Variants in LRPPRC observed in about 807,000 individuals in gnomAD.
LRPPRC encodes leucine rich pentatricopeptide repeat containing, also known as leucine-rich PPR motif-containing protein, mitochondrial.
In LRPPRC, 120 loss-of-function variants were observed where a neutral mutation model predicts 180.3. The ratio of observed to expected loss-of-function variants is 0.67; its 90% CI spans 0.57 to 0.77. LRPPRC has a LOEUF of 0.77. Ranked by LOEUF, LRPPRC falls within the 30% of genes least tolerant of loss-of-function variation. The pLI, the probability that LRPPRC is intolerant of heterozygous loss-of-function variation, is 0.00. For missense variants in LRPPRC, 2,012 were observed against 1,657.2 expected (o/e 1.21, Z -3.72); for synonymous variants, 723 against 600.0 (o/e 1.21, Z -3.00).
intron 27 of LRPPRC, among the ~76,000 whole-genome samples, chr2:43,920,079 T>TAAAA: frequency 1.3e-5 from 1 of 79,478 alleles, no homozygotes. Flanking sequence ...ATCAGCAATT[T>TAAAA]AAAAAAAAAA....
intron 34 of LRPPRC, among the ~76,000 whole-genome samples, chr2:43,897,111 T>A (rs1670714865): frequency 6.6e-6 from 1 of 152,226 alleles, no homozygotes; most frequent in African/African-American, 2.4e-5. Context: ...GTCAGGGAGA[T>A]AACTGCTCAT....
chr2:43,969,047 AG>A (rs1673682762), intron 11 of LRPPRC, among the ~76,000 whole-genome samples: 1 of 152,212 alleles, frequency 6.6e-6, no homozygotes, highest in Admixed American at 6.5e-5. Context: ...AGTGGGGTAA[AG>A]AAAGTCAATG....
At chr2:43,990,277 C>A (rs1337450522) in intron 1 of LRPPRC, among the ~76,000 whole-genome samples, 2 of 152,082 alleles carry the variant, frequency 1.3e-5, no homozygotes, top group Non-Finnish European at 2.9e-5. Flanking sequence ...ACCCTAATCC[C>A]CAAATCTACT....
Position 43,925,077 on chromosome 2 carries a change from T to C in LRPPRC, c.2886A>G (p.Leu962=). ...CDRDQMYYNL[L]KLYKINGDWQ... Reference sequence around the variant, plus strand: ...AGTTAAATCACTTACTATACAGTTTTAGCAGATTGTAGTACATCTGGTCTC... The same window carrying C: ...AGTTAAATCACTTACTATACAGTTTCAGCAGATTGTAGTACATCTGGTCTC... The change falls in exon 27 of 38, where the codon CTA becomes CTG. Residue 962 remains leucine (L), a synonymous_variant. Transcript: ENST00000260665. The C allele has an allele frequency of 6.5e-7, 1 of 1,535,100 alleles. No homozygotes were observed. The highest frequency in any genetic ancestry group is 9.0e-7 in the Non-Finnish European group (1 of 1,108,034).
At chr2:43,949,928 A>T (rs1181627917) in intron 15 of LRPPRC, among the ~76,000 whole-genome samples, 1 of 152,224 alleles carries the variant, frequency 6.6e-6, no homozygotes, top group East Asian at 1.9e-4. Context: ...CTGATTTATA[A>T]ATTGATATAT....
At chr2:43,987,610 T>C (rs1674586989) in intron 1 of LRPPRC, among the ~76,000 whole-genome samples, 1 of 152,126 alleles carries the variant, frequency 6.6e-6, no homozygotes, top group Non-Finnish European at 1.5e-5. Context: ...AATTATTTTA[T>C]TGGGCAAAGT....
chr2:43,959,118 G>T, intron 13 of LRPPRC: 1 of 684,356 alleles, frequency 1.5e-6, no homozygotes, highest in South Asian at 1.6e-5. Context: ...GAAGTGGAAT[G>T]GATGATATGA....
Position 43,963,653 on chromosome 2 carries a change from C to T in LRPPRC, c.1423G>A (p.Glu475Lys). The T allele has an allele frequency of 1.2e-6, 2 of 1,612,568 alleles. No individual in the cohort carries two copies. Among genetic ancestry groups the T allele is most frequent in the Non-Finnish European group, 1.7e-6 (2 of 1,178,760 alleles). Reference protein sequence around the residue: ...MQELGVHPDQETYTDYVIPCF... With the variant: ...MQELGVHPDQKTYTDYVIPCF... ...GGAATCACATAATCTGTATATGTTT[C>T]CTGATCAGGATGTACTCCCAATTCT... is the stretch of plus-strand genomic sequence containing the variant. The change falls in exon 12 of 38, where the codon GAA (glutamate) becomes AAA (lysine). Residue 475 changes from glutamate (E) to lysine (K), a missense_variant. Transcript: ENST00000260665.
chr2:43,933,009 G>A (rs1672145850), intron 25 of LRPPRC, among the ~76,000 whole-genome samples: 1 of 152,186 alleles, frequency 6.6e-6, no homozygotes, highest in African/African-American at 2.4e-5. Flanking sequence ...TAGCCAGACA[G>A]CTCTTCTCAC....
chr2:43,906,668 G>T (rs1049816475), intron 30 of LRPPRC, among the ~76,000 whole-genome samples: 1 of 152,150 alleles, frequency 6.6e-6, no homozygotes, highest in African/African-American at 2.4e-5. Context: ...TGATGACCCT[G>T]TTGCCAACAA....
chr2:43,889,895 T>C lies in LRPPRC; in HGVS notation c.3986-19A>G, dbSNP rs749977911. 3.2e-6 allele frequency: 5 copies of C among 1,578,032 alleles called. No individual in the cohort carries two copies. The African/African-American group carries it at 5.4e-5, about 17-fold the overall frequency. On this transcript the variant is annotated intron_variant, in intron 36 of 37. Transcript: ENST00000260665. ...TCTGAGACTGACATAAAGAAAAAAA[T>C]ATATTAATCAGAGATAAAGACAACC...
intron 1 of LRPPRC, among the ~76,000 whole-genome samples, chr2:43,982,970 C>G (rs1674377885): frequency 6.6e-6 from 1 of 151,506 alleles, no homozygotes; most frequent in African/African-American, 2.4e-5. Context: ...CAAATAATTT[C>G]TAATCTGTCT....
rs1672777222 is a variant in LRPPRC, at chr2:43,948,443, A to C, written c.1811T>G (p.Leu604Trp). 1 of 1,612,996 alleles carries C rather than the reference A, an allele frequency of 6.2e-7. No homozygotes were observed. Among genetic ancestry groups the C allele is most frequent in the Non-Finnish European group, 8.5e-7 (1 of 1,179,088 alleles). The change falls in exon 17 of 38, where the codon TTG becomes TGG. Residue 604 changes from leucine (L) to tryptophan (W), a missense_variant. Physicochemically the swap from Leu to Trp is moderately conservative, Grantham distance 61. Transcript: ENST00000260665. ...DSEVQAKEEH[L>W]RQYFHQLEKM... ...CTCCAGCTGATGGAAGTATTGTCTCAAATGCTCCTCCTTGGCCTGTACCTC... is the reference window on the plus strand; with the variant it reads ...CTCCAGCTGATGGAAGTATTGTCTCCAATGCTCCTCCTTGGCCTGTACCTC...
intron 1 of LRPPRC, among the ~76,000 whole-genome samples, chr2:43,986,949 G>A (rs1476396974): frequency 6.6e-6 from 1 of 152,188 alleles, no homozygotes; most frequent in East Asian, 1.9e-4. Flanking sequence ...TTGTTGCACT[G>A]TAATGTAGAA....
At chr2:43,995,619 C>A (rs537046474) in intron 1 of LRPPRC, among the ~76,000 whole-genome samples, 180 bp downstream of exon 1, 7 of 152,206 alleles carry the variant, frequency 4.6e-5, no homozygotes, top group Non-Finnish European at 4.4e-5. Context: ...CTTCTGAAGG[C>A]GCTTAACCCT....
intron 34 of LRPPRC, among the ~76,000 whole-genome samples, chr2:43,897,151 A>G (rs1670715635): frequency 6.6e-6 from 1 of 152,212 alleles, no homozygotes; most frequent in Admixed American, 6.5e-5. Flanking sequence ...TGTACAAAGC[A>G]AGTTCTCTTT....
intron 36 of LRPPRC, among the ~76,000 whole-genome samples, chr2:43,893,529 C>T (rs937236523): frequency 6.6e-6 from 1 of 152,132 alleles, no homozygotes. Flanking sequence ...CACAGATGAT[C>T]GTTAACTATT....
In LRPPRC at chr2:43,963,629, GAATCACAT is replaced by G; in HGVS notation, c.1439_1446del (p.Tyr480SerfsTer4). ...GCTGAGTTTACACTATCAAAGCATG[GAATCACAT>G]AATCTGTATATGTTTCCTGATCAGG... is the stretch of plus-strand genomic sequence containing the variant. On this transcript the variant is annotated frameshift_variant, in exon 12 of 38. Coordinates refer to ENST00000260665, the MANE Select transcript of LRPPRC (RefSeq NM_133259.4). LOFTEE classifies it high-confidence loss of function. The G allele has an allele frequency of 6.2e-7, 1 of 1,612,438 alleles. No individual in the cohort carries two copies. The highest frequency in any genetic ancestry group is 8.5e-7 in the Non-Finnish European group (1 of 1,178,622).
chr2:43,979,607 A>C (rs940442015), intron 3 of LRPPRC, among the ~76,000 whole-genome samples: 2 of 152,182 alleles, frequency 1.3e-5, no homozygotes, highest in Admixed American at 1.3e-4. Flanking sequence ...TTCTTTTTTA[A>C]CTTACCGTAC....
Sources: gnomAD v4.1 joint callset for allele counts (sites outside exome capture counted in the v4.1 genomes callset) on GRCh38, gnomAD v4.1.1 for gene constraint, MANE v1.5 for transcripts, NCBI Gene and HGNC (gene_info 2026-07-23, HGNC 2026-07-21) for gene names.